The following PAM variants were observed in gnomAD, a reference collection of about 807,000 sequenced individuals.
PAM encodes peptidyl-glycine alpha-amidating monooxygenase.
A neutral mutation model predicts 122.1 loss-of-function variants in PAM; 72 were observed. The observed-to-expected ratio is 0.59, with a 90% confidence interval of 0.49 to 0.72. The LOEUF is 0.72. Ranked by LOEUF, PAM falls within the 30% of genes least tolerant of loss-of-function variation. PAM has a pLI of 0.00. For missense variants in PAM, 1,106 were observed against 1,183.7 expected (o/e 0.93, Z 0.96); for synonymous variants, 389 against 404.4 (o/e 0.96, Z 0.46).
chr5:102,941,030 C>T (rs1038631948), intron 7 of PAM, among the ~76,000 whole-genome samples: 3 of 152,290 alleles, frequency 2.0e-5, no homozygotes, highest in South Asian at 2.1e-4. Flanking sequence ...AAGGATGCCT[C>T]TGGAGCAGGT....
At chr5:102,868,242 T>TA (rs1786218144) in intron 3 of PAM, among the ~76,000 whole-genome samples, 1 of 152,164 alleles carries the variant, frequency 6.6e-6, no homozygotes, top group South Asian at 2.1e-4. Context: ...GCAGATAACA[T>TA]TCTATTTTTC....
intron 12 of PAM, among the ~76,000 whole-genome samples, chr5:102,956,330 C>T (rs1760737609): frequency 4.6e-5 from 7 of 152,036 alleles, no homozygotes. Flanking sequence ...TATGTATACT[C>T]TTACACATAT....
chr5:102,814,125 G>T (rs915185849), intron 1 of PAM, among the ~76,000 whole-genome samples: 3 of 152,158 alleles, frequency 2.0e-5, no homozygotes, highest in Non-Finnish European at 4.4e-5. Flanking sequence ...GTGCATGAGG[G>T]GATGGCAACT....
chr5:102,873,719 T>A (rs1288336338), intron 3 of PAM: 1 of 152,202 alleles, frequency 6.6e-6, no homozygotes, highest in Non-Finnish European at 1.5e-5. Context: ...CAGCGACCCA[T>A]AAACAACATC....
At chr5:102,821,304 A>G (rs770252660) in intron 1 of PAM, among the ~76,000 whole-genome samples, 1 of 152,174 alleles carries the variant, frequency 6.6e-6, no homozygotes, top group Non-Finnish European at 1.5e-5. Flanking sequence ...AAGGATTGGA[A>G]TAAGTGTTAT....
chr5:103,024,860 G>T (rs114519440), intron 23 of PAM, among the ~76,000 whole-genome samples: 64 of 152,204 alleles, frequency 4.2e-4, no homozygotes, highest in African/African-American at 1.5e-3. Context: ...AATACAAAAG[G>T]ATATATATTC....
At chr5:102,989,724 A>G (rs932964503) in intron 15 of PAM, 2 of 152,104 alleles carry the variant, frequency 1.3e-5, no homozygotes, top group African/African-American at 4.8e-5. Context: ...GTAACAAGGA[A>G]TAATCAATGA....
intron 21 of PAM, among the ~76,000 whole-genome samples, chr5:103,010,152 A>T (rs933392094): frequency 1.3e-5 from 2 of 152,198 alleles, no homozygotes; most frequent in Non-Finnish European, 2.9e-5. Flanking sequence ...GCAGGTTTTT[A>T]AATTCACTAT....
At chr5:102,757,298 C>T (rs540630747) in intron 1 of PAM, among the ~76,000 whole-genome samples, 1 of 151,790 alleles carries the variant, frequency 6.6e-6, no homozygotes, top group African/African-American at 2.4e-5. Flanking sequence ...CACACTCCAG[C>T]CCTGGTGACA....
At chr5:102,857,158 A>G (rs1245476463) in intron 1 of PAM, among the ~76,000 whole-genome samples, 1 of 152,210 alleles carries the variant, frequency 6.6e-6, no homozygotes, top group Non-Finnish European at 1.5e-5. Context: ...CAAATGAACA[A>G]ACAACTGCAC....
intron 1 of PAM, among the ~76,000 whole-genome samples, chr5:102,849,222 C>T (rs1780722798): frequency 6.6e-6 from 1 of 152,108 alleles, no homozygotes; most frequent in African/African-American, 2.4e-5. Flanking sequence ...ATATTCTCAA[C>T]ACGGATCTGG....
At chr5:102,814,715 A>G (rs1295545141) in intron 1 of PAM, among the ~76,000 whole-genome samples, 2 of 151,870 alleles carry the variant, frequency 1.3e-5, no homozygotes, top group East Asian at 1.9e-4. Flanking sequence ...GATTTCATAA[A>G]TTCATTTTAT....
chr5:102,818,737 C>CT (rs1176309253), intron 1 of PAM, among the ~76,000 whole-genome samples: 2 of 152,030 alleles, frequency 1.3e-5, no homozygotes, highest in Non-Finnish European at 2.9e-5. Flanking sequence ...TATGTGTGGC[C>CT]TTTTTTTATG....
intron 1 of PAM, among the ~76,000 whole-genome samples, chr5:102,793,606 A>G (rs1762609764): frequency 2.0e-5 from 3 of 152,220 alleles, no homozygotes; most frequent in Admixed American, 2.0e-4. Context: ...TATTTAACTA[A>G]AACAGCTATT....
In PAM at chr5:103,029,063, T is replaced by C. The variant is rs771444744; in HGVS notation, c.2920T>C (p.Ter974ArgextTer8). 1 of 1,601,160 alleles carries C rather than the reference T, an allele frequency of 6.2e-7. No individual in the cohort carries two copies. Among genetic ancestry groups the C allele is most frequent in the Middle Eastern group, 1.7e-4 (1 of 5,984 alleles). The change falls in exon 26 of 26, where the codon TGA becomes CGA. Residue 974 changes from the stop codon to arginine (R), a stop_lost. Coordinates refer to ENST00000438793, the MANE Select transcript of PAM (RefSeq NM_001177306.2). ...PLPALAPSSS[*>R] ...GCCTGCGCTCGCACCTTCCTCCTCC[T>C]GAAAACCAAGCTTTGATTTAGATTG...
intron 1 of PAM, among the ~76,000 whole-genome samples, chr5:102,857,846 G>C (rs1456315976): frequency 6.6e-6 from 1 of 152,096 alleles, no homozygotes; most frequent in Non-Finnish European, 1.5e-5. Flanking sequence ...GCAAGAAAAT[G>C]GTATTCAAAG....
chr5:102,857,508 T>A (rs1782957342), intron 1 of PAM, among the ~76,000 whole-genome samples: 1 of 152,212 alleles, frequency 6.6e-6, no homozygotes, highest in Non-Finnish European at 1.5e-5. Context: ...GGACTTCGAT[T>A]TGTTACCTAC....
At chr5:102,788,170 T>C (rs1429695837) in intron 1 of PAM, among the ~76,000 whole-genome samples, 1 of 152,112 alleles carries the variant, frequency 6.6e-6, no homozygotes, top group Non-Finnish European at 1.5e-5. Flanking sequence ...TGAAGTAATT[T>C]TCTTTTATAA....
chr5:102,910,490 C>T (rs1351498642), intron 4 of PAM, among the ~76,000 whole-genome samples: 1 of 151,826 alleles, frequency 6.6e-6, no homozygotes, highest in African/African-American at 2.4e-5. Flanking sequence ...AGGACTTACT[C>T]ACCTATAAAA....
Sources: allele counts gnomAD v4.1 joint callset (sites outside exome capture counted in the v4.1 genomes callset), GRCh38; gene constraint gnomAD v4.1.1; transcripts MANE v1.5; gene names NCBI Gene and HGNC (gene_info 2026-07-23, HGNC 2026-07-21).